Variants in A4GALT observed in about 807,000 individuals in gnomAD.
The protein encoded by A4GALT is lactosylceramide 4-alpha-galactosyltransferase.
For missense variants in A4GALT, 512 were observed against 486.0 expected, an observed-to-expected ratio of 1.05 and a Z score of -0.50; for synonymous variants, 257 against 220.7, an observed-to-expected ratio of 1.16 and a Z score of -1.46.
chr22:42,697,254 G>C (rs543752070), intron 1 of A4GALT, among the ~76,000 whole-genome samples: 56 of 152,152 alleles, frequency 3.7e-4, no homozygotes, highest in African/African-American at 1.3e-3. Context: ...CAATGAGTGT[G>C]TAGATCGCTG....
In A4GALT at chr22:42,692,593, C is replaced by A. The variant is rs28915385; in HGVS notation, c.*297G>T. The A allele has an allele frequency of 3.7e-6, 2 of 545,514 alleles. No homozygotes were observed. The highest frequency in any genetic ancestry group is 3.1e-5 in the South Asian group (2 of 64,098). 33.8% of individuals were successfully genotyped at this position (545,514 alleles called of 1,614,324 possible). A position where few individuals can be genotyped will look rare whatever the true frequency, so the allele number is the denominator to read the frequency against. On this transcript the variant is annotated 3_prime_UTR_variant, in exon 3 of 3. Coordinates refer to ENST00000642412, the MANE Select transcript of A4GALT (RefSeq NM_017436.7). This position sits in a 1 kb window ranked among gnomAD's most constrained non-coding sequence, Gnocchi z 4.6. ...TGTCCCAACTGCCTGGCTTTCCGCA[C>A]CACCTGGGGGTGCCCTGAGGTTCAT...
At chr22:42,706,109 A>G (rs1430617362) in intron 1 of A4GALT, among the ~76,000 whole-genome samples, 1 of 115,452 alleles carries the variant, frequency 8.7e-6, no homozygotes, top group East Asian at 2.2e-4. Flanking sequence ...TAATCTCAGC[A>G]CTTTGGGAGG....
intron 1 of A4GALT, among the ~76,000 whole-genome samples, chr22:42,698,635 C>G (rs949691125): frequency 4.6e-5 from 7 of 152,184 alleles, no homozygotes; most frequent in Non-Finnish European, 7.3e-5. Flanking sequence ...GACGGGAACA[C>G]AGAGGCCCCG....
chr22:42,716,773 G>T (rs1439169734), intron 1 of A4GALT, among the ~76,000 whole-genome samples: 1 of 152,154 alleles, frequency 6.6e-6, no homozygotes, highest in Non-Finnish European at 1.5e-5. Context: ...GTAAGGTCAG[G>T]TAACAGTGTC....
intron 1 of A4GALT, among the ~76,000 whole-genome samples, chr22:42,720,064 G>T (rs941356043): frequency 6.6e-6 from 1 of 152,202 alleles, no homozygotes; most frequent in Admixed American, 6.5e-5. Flanking sequence ...GCTGGGACCA[G>T]GTGCCCCGGC....
In A4GALT at chr22:42,715,007, G is replaced by A. The variant is rs147989636; in HGVS notation, c.-188+5790C>T. 6.8e-3 allele frequency among the ~76,000 whole-genome samples: 1,015 copies of A among 150,208 alleles called. 31 individuals are homozygous for A. The highest frequency in any genetic ancestry group is 0.055 in the Admixed American group (825 of 14,980). On this transcript the variant is annotated intron_variant, in intron 1 of 2. Transcript: ENST00000642412. ...GGATTGCAAAGATCCAGGGGCGAGT[G>A]TGGCTGAGTTCTGAGCAAACAGCAG...
chr22:42,716,923 T>TTC (rs1425294406), intron 1 of A4GALT, among the ~76,000 whole-genome samples: 2 of 152,202 alleles, frequency 1.3e-5, no homozygotes, highest in African/African-American at 2.4e-5. Context: ...CTCTTCCTGT[T>TTC]TCGCTCTCAT....
In A4GALT at chr22:42,703,084, T is replaced by TGTGTGTGA. The variant is rs1555886989; in HGVS notation, c.-187-7454_-187-7453insTCACACAC. On this transcript the variant is annotated intron_variant, in intron 1 of 2. Coordinates refer to ENST00000642412, the MANE Select transcript of A4GALT (RefSeq NM_017436.7). Reference sequence around the variant, plus strand: ...GTGTGTGTGTGTGTGTGTGTGTGTGTGAGAGAGAGCATGCTGCCCCACTGT... The same window carrying TGTGTGTGA: ...GTGTGTGTGTGTGTGTGTGTGTGTGTGTGTGTGAGAGAGAGAGCATGCTGCCCCACTGT... Among the ~76,000 whole-genome samples, 397 of 131,298 alleles carry TGTGTGTGA rather than the reference T, an allele frequency of 3.0e-3. 5 individuals are homozygous for TGTGTGTGA. The highest frequency in any genetic ancestry group is 0.013 in the African/African-American group (378 of 28,432). 86.1% of individuals were successfully genotyped at this position (131,298 alleles called of 152,430 possible).
intron 1 of A4GALT, among the ~76,000 whole-genome samples, chr22:42,703,259 G>GTTTTTTTTTTTTTT (rs59690136): frequency 7.6e-6 from 1 of 131,748 alleles, no homozygotes; most frequent in African/African-American, 2.9e-5. Context: ...GTTTGTTTTT[G>GTTTTTTTTTTTTTT]TTTTTTTTTT....
chr22:42,709,067 A>ATATATATATATATATATATATTTTTT (rs1180529043), intron 1 of A4GALT, among the ~76,000 whole-genome samples: 2 of 128,830 alleles, frequency 1.6e-5, no homozygotes, highest in Non-Finnish European at 3.3e-5. Flanking sequence ...ATATATATAT[A>ATATATATATATATATATATATTTTTT]TTTTTTTTAA....
intron 1 of A4GALT, chr22:42,718,709 A>C (rs1031756443): frequency 5.3e-5 from 8 of 152,228 alleles, no homozygotes; most frequent in Non-Finnish European, 1.0e-4. Flanking sequence ...GCTAGGTGCC[A>C]GGCCTGGCAC....
chr22:42,693,570 G>A lies in A4GALT; in HGVS notation c.382C>T (p.Leu128=), dbSNP rs376097487. Residue 128 remains leucine, a synonymous_variant, in exon 3 of 3, where the codon CTG becomes TTG. Coordinates refer to ENST00000642412, the MANE Select transcript of A4GALT (RefSeq NM_017436.7). Reference sequence around the variant, plus strand: ...AAGCAGCTCAGAAGTGAGATGCCCAGGTGCCGGGGCAGAGAGGCGTTGCCA... The same window carrying A: ...AAGCAGCTCAGAAGTGAGATGCCCAAGTGCCGGGGCAGAGAGGCGTTGCCA... ...PGGNASLPRH[L]GISLLSCFPN... The A allele has an allele frequency of 1.0e-4, 162 of 1,613,570 alleles. No homozygotes were observed. The highest frequency in any genetic ancestry group is 1.2e-4 in the Non-Finnish European group (144 of 1,180,044).
intron 1 of A4GALT, among the ~76,000 whole-genome samples, chr22:42,702,861 G>A (rs1920932137): frequency 6.9e-6 from 1 of 144,020 alleles, no homozygotes; most frequent in South Asian, 2.1e-4. Context: ...TTGGCAGGTT[G>A]TCTTAGCTCA....
chr22:42,709,081 A>C (rs1921444900), intron 1 of A4GALT, among the ~76,000 whole-genome samples: 1 of 84,970 alleles, frequency 1.2e-5, no homozygotes, highest in Non-Finnish European at 3.2e-5. Context: ...TTTTTAAGAC[A>C]GGGTCTGCTG....
At chr22:42,698,233 C>T (rs1011789581) in intron 1 of A4GALT, among the ~76,000 whole-genome samples, 7 of 127,072 alleles carry the variant, frequency 5.5e-5, no homozygotes, top group Admixed American at 3.4e-4. Flanking sequence ...GGCAATAGAG[C>T]GAGACTCCGT....
At chr22:42,718,852 G>A (rs1922435824) in intron 1 of A4GALT, among the ~76,000 whole-genome samples, 1 of 152,216 alleles carries the variant, frequency 6.6e-6, no homozygotes, top group South Asian at 2.1e-4. Context: ...CCCCAAAGAA[G>A]GAGGCAGCTG....
intron 2 of A4GALT, 59 bp from the exon 3 acceptor site, chr22:42,694,056 A>G: frequency 9.5e-7 from 1 of 1,056,522 alleles, no homozygotes; most frequent in Middle Eastern, 2.5e-4. Flanking sequence ...TCCACAAGGA[A>G]AACGCTTCCT....
In A4GALT at chr22:42,692,640, A is replaced by C. The variant is rs900366042; in HGVS notation, c.*250T>G. ...TCATCCTTCCTGCCTGTTGTCTAGA[A>C]GGCCCGGGGCACTCACTGAGCGCCC... On this transcript the variant is annotated 3_prime_UTR_variant, in exon 3 of 3. Coordinates refer to ENST00000642412, the MANE Select transcript of A4GALT (RefSeq NM_017436.7). The surrounding 1 kb of genome is among the most constrained non-coding windows in gnomAD (Gnocchi z 4.6). The C allele has an allele frequency of 3.1e-6, 2 of 646,422 alleles. No individual in the cohort carries two copies. Among genetic ancestry groups the C allele is most frequent in the Admixed American group, 4.2e-5 (2 of 47,960 alleles). The allele number at this position is 646,422 out of a possible 1,614,324, so 40.0% of individuals were successfully genotyped here.
rs199675657 is a variant in A4GALT, at chr22:42,692,968, G to A, written c.984C>T (p.Ala328=). 5 of 1,612,800 alleles carry A rather than the reference G, an allele frequency of 3.1e-6. No individual in the cohort carries two copies. The highest frequency in any genetic ancestry group is 3.4e-6 in the Non-Finnish European group (4 of 1,179,946). ...NKKSQGTRFE[A]TSRALLAQLH... is the part of the protein sequence containing the mutation. ...GCTGGGCCAGCAGTGCCCTGGACGT[G>A]GCCTCGAACCGCGTGCCCTGGCTCT... Residue 328 remains alanine (A), a synonymous_variant, in exon 3 of 3, where the codon GCC becomes GCT. Transcript: ENST00000642412. The surrounding 1 kb of genome is among the most constrained non-coding windows in gnomAD (Gnocchi z 4.6).
Sources: gnomAD v4.1 joint callset for allele counts (sites outside exome capture counted in the v4.1 genomes callset) on GRCh38, gnomAD v4.1.1 for gene constraint, Gnocchi (gnomAD v3.1) non-coding constraint, MANE v1.5 for transcripts, NCBI Gene and HGNC (gene_info 2026-07-23, HGNC 2026-07-21) for gene names.